Variants in CADM3 observed in about 807,000 individuals in gnomAD.
CADM3 encodes the protein TSLC1-like 1.
Under a neutral mutation model 44.9 loss-of-function variants are expected in CADM3, and 11 were observed. That is an observed-to-expected ratio of 0.25 (90% confidence interval 0.15 to 0.41). CADM3 has a LOEUF of 0.41. Ranked by LOEUF, CADM3 falls within the 10% of genes least tolerant of loss-of-function variation. The probability of loss-of-function intolerance (pLI) is 1.00; values close to 1 mark genes in which losing one functional copy is unlikely to be tolerated. For missense variants in CADM3, 426 were observed against 512.0 expected, an observed-to-expected ratio of 0.83 and a Z score of 1.62; for synonymous variants, 207 against 205.2, an observed-to-expected ratio of 1.01 and a Z score of -0.08.
At chr1:159,179,143 G>C (rs927833979) in intron 1 of CADM3, among the ~76,000 whole-genome samples, 118 of 152,230 alleles carry the variant, frequency 7.8e-4, no homozygotes, top group African/African-American at 2.7e-3. Flanking sequence ...GAGCAGGCAG[G>C]TTTCAGAAAG....
At position 159,193,870 on chromosome 1, in the gene CADM3, G is replaced by A; in HGVS notation, c.521G>A (p.Gly174Glu). Residue 174 changes from glycine (G) to glutamate (E), a missense_variant and splice_region_variant, in exon 5 of 9, where the codon GGA (glycine) becomes GAA (glutamate). By Grantham distance (98) the Gly-to-Glu change is moderately conservative. Transcript: ENST00000368125. The stretch of plus-strand genomic sequence containing the variant: ...GTGTGCCACTGTTTCTGCACTCTAG[G>A]AGAACCAACCCGCATACAGGAAGAT... ...TWRKGDQELH[G>E]EPTRIQEDPN... 1 of 1,613,292 alleles carries A rather than the reference G, an allele frequency of 6.2e-7. No individual in the cohort carries two copies. Among genetic ancestry groups the A allele is most frequent in the Non-Finnish European group, 8.5e-7 (1 of 1,179,572 alleles).
chr1:159,189,662 A>G lies in CADM3; in HGVS notation c.89-2274A>G, dbSNP rs3026984. 0.017 allele frequency: 13,383 copies of G among 795,140 alleles called. 1,280 individuals carry two copies. The African/African-American group carries it at 0.21, about 12-fold the overall frequency. 49.3% of individuals were successfully genotyped at this position (795,140 alleles called of 1,614,324 possible). ...TTCTCTTAGGTATCCTGGTGAACCTATTTTTCACAGGGACCTAGCCTTTCC... is the reference window on the plus strand; with the variant it reads ...TTCTCTTAGGTATCCTGGTGAACCTGTTTTTCACAGGGACCTAGCCTTTCC... On this transcript the variant is annotated intron_variant, in intron 1 of 8. Coordinates refer to ENST00000368125, the MANE Select transcript of CADM3 (RefSeq NM_001127173.3).
intron 1 of CADM3, among the ~76,000 whole-genome samples, chr1:159,185,559 G>A (rs747820964): frequency 2.6e-5 from 4 of 152,200 alleles, no homozygotes; most frequent in South Asian, 2.1e-4. Flanking sequence ...CGGCTTTAAC[G>A]TGTGTGTAAT....
At chr1:159,179,599 T>C (rs1356980643) in intron 1 of CADM3, among the ~76,000 whole-genome samples, 1 of 152,212 alleles carries the variant, frequency 6.6e-6, no homozygotes, top group Non-Finnish European at 1.5e-5. Context: ...TGACAACAGA[T>C]TTTATTGGAA....
intron 1 of CADM3, among the ~76,000 whole-genome samples, chr1:159,184,104 G>T (rs559279783): frequency 2.6e-5 from 4 of 152,152 alleles, no homozygotes; most frequent in Non-Finnish European, 5.9e-5. Flanking sequence ...CTGTCACTCT[G>T]AGCATAAAGA....
At chr1:159,199,667 G>A (rs1650066609) in intron 7 of CADM3, 84 bp from the exon 8 acceptor site, 4 of 1,587,818 alleles carry the variant, frequency 2.5e-6, no homozygotes, top group Non-Finnish European at 8.6e-7. Flanking sequence ...TCCCTGCTGT[G>A]TAAGACTATT....
At chr1:159,197,157 A>T (rs1649938847) in intron 7 of CADM3, 97 bp downstream of exon 7, 1 of 1,344,402 alleles carries the variant, frequency 7.4e-7, no homozygotes, top group East Asian at 2.4e-5. Flanking sequence ...CCAAACTGTG[A>T]CGGGGAGTGG....
rs746958815 is a variant in CADM3 at position 159,192,043 on chromosome 1, G to A, written c.196G>A (p.Ala66Thr). ...EDSSLQWSNP[A>T]QQTLYFGEKR... ...CTCATCCCTGCAATGGTCTAACCCT[G>A]CTCAGCAGACTCTCTACTTTGGGGA... Residue 66 changes from alanine to threonine, a missense_variant, in exon 2 of 9, where the codon GCT becomes ACT. By Grantham distance (58) the Ala-to-Thr change is moderately conservative (BLOSUM62 0). Transcript: ENST00000368125. 1 of 1,614,090 alleles carries A rather than the reference G, an allele frequency of 6.2e-7. No individual in the cohort carries two copies. The highest frequency in any genetic ancestry group is 8.5e-7 in the Non-Finnish European group (1 of 1,180,012).
At chr1:159,172,909 T>C (rs908757284) in intron 1 of CADM3, among the ~76,000 whole-genome samples, 13 of 152,054 alleles carry the variant, frequency 8.5e-5, no homozygotes, top group African/African-American at 3.1e-4. Flanking sequence ...AGGGGCAGCC[T>C]GTAGGGAAAC....
At chr1:159,173,649 C>G (rs1571001519) in intron 1 of CADM3, among the ~76,000 whole-genome samples, 2 of 152,130 alleles carry the variant, frequency 1.3e-5, no homozygotes, top group East Asian at 3.9e-4. Context: ...CATTAATGAC[C>G]CTGCTACTAG....
chr1:159,173,004 C>T (rs1237140688), intron 1 of CADM3, among the ~76,000 whole-genome samples: 3 of 152,048 alleles, frequency 2.0e-5, no homozygotes, highest in Non-Finnish European at 2.9e-5. Context: ...CATCCTCCTC[C>T]CCCCACCGCC....
rs1649755744 is a variant in CADM3, at chr1:159,193,547, C to T, written c.507C>T (p.Asp169=). Residue 169 remains aspartate, a synonymous_variant, in exon 4 of 9, where the codon GAC becomes GAT. Transcript: ENST00000368125. ...PAARLTWRKG[D]QELHGEPTRI... ...CCCGGCTCACCTGGAGAAAGGGTGA[C>T]CAAGAACTCCACGGTGAGTACCTCC... is the stretch of plus-strand genomic sequence containing the variant. The T allele has an allele frequency of 1.9e-6, 3 of 1,614,134 alleles. No individual in the cohort carries two copies. In the African/African-American group the frequency reaches 4.0e-5, roughly 22 times the overall value.
At chr1:159,200,518 G>GCGCA (rs1334407234) in intron 8 of CADM3, among the ~76,000 whole-genome samples, 2 of 150,886 alleles carry the variant, frequency 1.3e-5, no homozygotes, top group Non-Finnish European at 1.5e-5. Flanking sequence ...ATGCGTGCAA[G>GCGCA]CACACACACA....
In CADM3 at chr1:159,171,762, C is replaced by T. The variant is rs762904091; in HGVS notation, c.-4C>T. 40 of 1,236,112 alleles carry T rather than the reference C, an allele frequency of 3.2e-5. No individual in the cohort carries two copies. The highest frequency in any genetic ancestry group is 4.2e-5 in the Admixed American group (1 of 23,922). The allele number at this position is 1,236,112 out of a possible 1,614,324, so 76.6% of individuals were successfully genotyped here. On this transcript the variant is annotated 5_prime_UTR_variant, in exon 1 of 9. Transcript: ENST00000368125. ...CCCAGCCAGGGAGCCGGCCGGGAAG[C>T]GCGATGGGGGCCCCAGCCGCCTCGC... is the stretch of plus-strand genomic sequence containing the variant.
At chr1:159,179,681 T>TA (rs773533161) in intron 1 of CADM3, among the ~76,000 whole-genome samples, 13 of 152,206 alleles carry the variant, frequency 8.5e-5, no homozygotes, top group Non-Finnish European at 1.5e-4. Flanking sequence ...AATTCTGATT[T>TA]CAGTAAGTAT....
At chr1:159,179,101 A>G (rs575578736) in intron 1 of CADM3, among the ~76,000 whole-genome samples, 3 of 152,190 alleles carry the variant, frequency 2.0e-5, no homozygotes, top group African/African-American at 7.2e-5. Context: ...TCTCCCATCT[A>G]CTCATCTTCC....
intron 1 of CADM3, among the ~76,000 whole-genome samples, chr1:159,180,106 G>A (rs1449819119): frequency 6.6e-6 from 1 of 152,108 alleles, no homozygotes; most frequent in Non-Finnish European, 1.5e-5. Context: ...GAGGATTCTG[G>A]CCCTCTCCTG....
chr1:159,195,602 T>G (rs1649855654), intron 5 of CADM3: 1 of 152,280 alleles, frequency 6.6e-6, no homozygotes, highest in African/African-American at 2.4e-5. Context: ...ACGCCTATTC[T>G]TTCACCTGGC....
chr1:159,194,651 T>G (rs1238858245), intron 5 of CADM3: 2 of 152,266 alleles, frequency 1.3e-5, no homozygotes, highest in African/African-American at 2.4e-5. Context: ...AAGCACAGTT[T>G]CCCTGGCATC....
Sources: allele counts gnomAD v4.1 joint callset (sites outside exome capture counted in the v4.1 genomes callset), GRCh38; gene constraint gnomAD v4.1.1; transcripts MANE v1.5; gene names NCBI Gene and HGNC (gene_info 2026-07-23, HGNC 2026-07-21).